The following SULT1B1 variants were observed in gnomAD, a reference collection of about 807,000 sequenced individuals.
SULT1B1 encodes the protein sulfotransferase 1B1.
In SULT1B1, 28 loss-of-function variants were observed where a neutral mutation model predicts 34.6. The observed-to-expected ratio is 0.81, with a 90% confidence interval of 0.60 to 1.11. SULT1B1 has a LOEUF of 1.11. Among genes scored for constraint, SULT1B1 ranks in the 50% least tolerant of loss-of-function variants. SULT1B1 has a pLI of 0.00. For missense variants in SULT1B1, 374 were observed against 352.2 expected (o/e 1.06, Z -0.50); for synonymous variants, 147 against 110.2 (o/e 1.33, Z -2.09).
intron 7 of SULT1B1, among the ~76,000 whole-genome samples, chr4:69,727,523 C>T (rs969286674): frequency 2.0e-5 from 3 of 151,960 alleles, no homozygotes; most frequent in East Asian, 3.9e-4. Context: ...TTCTAATGGT[C>T]GTAGGTCATG....
rs141880735 is a variant in SULT1B1 at position 69,730,878 on chromosome 4, G to A, written c.598-197C>T. The stretch of plus-strand genomic sequence containing the variant: ...CAAGAATATCTGTTATATTTTCTGT[G>A]TCAGTCCTCTCTGACAGAAGAATAA... On this transcript the variant is annotated intron_variant, in intron 6 of 7. Transcript: ENST00000310613. Among the ~76,000 whole-genome samples the A allele has an allele frequency of 1.3e-3, 195 of 152,200 alleles. 1 individual carries two copies. The highest frequency in any genetic ancestry group is 2.4e-3 in the Non-Finnish European group (161 of 68,000).
In SULT1B1 at chr4:69,738,390, C is replaced by A. The variant is rs572157597; in HGVS notation, c.376-4126G>T. 6.3e-3 allele frequency among the ~76,000 whole-genome samples: 962 copies of A among 152,284 alleles called. 10 individuals are homozygous for A. The highest frequency in any genetic ancestry group is 0.02 in the Middle Eastern group (6 of 294). On this transcript the variant is annotated intron_variant, in intron 4 of 7. Coordinates refer to ENST00000310613, the MANE Select transcript of SULT1B1 (RefSeq NM_014465.4). ...TGCTGGAGAAGCCTCAGGAAACTTA[C>A]AATCATGGCAGAAGCAAAAGAGAAG...
chr4:69,746,704 A>T (rs1320237095), intron 4 of SULT1B1, among the ~76,000 whole-genome samples: 1 of 152,122 alleles, frequency 6.6e-6, no homozygotes, highest in Non-Finnish European at 1.5e-5. Flanking sequence ...CATTTCAACA[A>T]TTTCAATCTG....
In SULT1B1 at chr4:69,722,366, T is replaced by A. The variant is rs907408455; in HGVS notation, c.*4722A>T. The stretch of plus-strand genomic sequence containing the variant: ...GGATAGTTTAGTGGTGTTTTTTCCC[T>A]CAGTAATAGACCATAGTATCAGAAA... On this transcript the variant is annotated 3_prime_UTR_variant, in exon 8 of 8. Transcript: ENST00000310613. 2 of 152,092 alleles carry A rather than the reference T, an allele frequency of 1.3e-5. No homozygotes were observed. The allele number at this position is 152,092 out of a possible 1,614,324, so 9.4% of individuals were successfully genotyped here. A position where few individuals can be genotyped will look rare whatever the true frequency, so the allele number is the denominator to read the frequency against.
At chr4:69,759,223 G>C (rs1313173372) in intron 1 of SULT1B1, among the ~76,000 whole-genome samples, 1 of 152,162 alleles carries the variant, frequency 6.6e-6, no homozygotes, top group African/African-American at 2.4e-5. Flanking sequence ...CAGAGCGTCT[G>C]CTCAAAGAAA....
Position 69,755,078 on chromosome 4 carries a change from G to A in SULT1B1, c.140C>T (p.Pro47Leu), listed in dbSNP as rs766849502. Residue 47 changes from proline (P) to leucine (L), a missense_variant, in exon 2 of 8, where the codon CCT (proline) becomes CTT (leucine). Coordinates refer to ENST00000310613, the MANE Select transcript of SULT1B1 (RefSeq NM_014465.4). ...RPDDIVIATY[P>L]KSGTTWVSEI... ...CAGGCCACAGAACTCACCTGATTTA[G>A]GATAAGTGGCTATCACAATGTCATC... 6.2e-7 allele frequency: 1 copy of A among 1,612,780 alleles called. No individual in the cohort carries two copies. The highest frequency in any genetic ancestry group is 1.3e-5 in the African/African-American group (1 of 75,008).
intron 1 of SULT1B1, chr4:69,758,528 T>C (rs1578072570): frequency 4.2e-6 from 4 of 953,208 alleles, no homozygotes; most frequent in Non-Finnish European, 5.0e-6. Flanking sequence ...ATTTCAAAAA[T>C]TGTCTATTCT....
Position 69,755,167 on chromosome 4 carries a change from A to T in SULT1B1, c.51T>A (p.Gly17=). The T allele has an allele frequency of 6.2e-7, 1 of 1,613,572 alleles. No individual in the cohort carries two copies. Among genetic ancestry groups the T allele is most frequent in the Non-Finnish European group, 8.5e-7 (1 of 1,179,456 alleles). The stretch of plus-strand genomic sequence containing the variant: ...TTGCAAAAGCACAGGTCATGGGATA[A>T]CCATGGACCAACTTCAGATCTTTTC... ...ILRKDLKLVH[G]YPMTCAFASN... The change falls in exon 2 of 8, where the codon GGT becomes GGA. Residue 17 remains glycine (G), a synonymous_variant. Coordinates refer to ENST00000310613, the MANE Select transcript of SULT1B1 (RefSeq NM_014465.4).
At chr4:69,734,379 G>A in intron 4 of SULT1B1, 115 bp from the exon 5 acceptor site, 7 of 1,134,258 alleles carry the variant, frequency 6.2e-6, no homozygotes, top group Non-Finnish European at 3.7e-6. Context: ...TAGAAATTGT[G>A]GGCCAGGGAG....
chr4:69,759,274 G>C (rs1006549432), intron 1 of SULT1B1, among the ~76,000 whole-genome samples: 1 of 152,158 alleles, frequency 6.6e-6, no homozygotes, highest in Admixed American at 6.5e-5. Context: ...ACTTTAGTTT[G>C]CCCAGCTCTG....
At chr4:69,742,776 G>C (rs1485086237) in intron 4 of SULT1B1, among the ~76,000 whole-genome samples, 2 of 152,232 alleles carry the variant, frequency 1.3e-5, no homozygotes, top group African/African-American at 4.8e-5. Context: ...CATGTGTGGA[G>C]CAGCAATGGG....
chr4:69,758,690 G>C (rs1379155976), intron 1 of SULT1B1, among the ~76,000 whole-genome samples: 1 of 152,106 alleles, frequency 6.6e-6, no homozygotes, highest in Non-Finnish European at 1.5e-5. Context: ...TTTTCATACT[G>C]TCTGCTAAAA....
At chr4:69,738,013 C>A (rs1199173468) in intron 4 of SULT1B1, among the ~76,000 whole-genome samples, 3 of 152,132 alleles carry the variant, frequency 2.0e-5, no homozygotes, top group Non-Finnish European at 4.4e-5. Flanking sequence ...ACCCTCCTAC[C>A]ACCCTTCACC....
In SULT1B1 at chr4:69,725,182, AAAAC is replaced by A. The variant is rs1717789632; in HGVS notation, c.*1902_*1905del. On this transcript the variant is annotated 3_prime_UTR_variant, in exon 8 of 8. Transcript: ENST00000310613. Reference sequence around the variant, plus strand: ...ACTCAAACAAATTTACAAGAAAAAAAAAACAACCCCATCAACAAGTGTGCAAAGA... The same window carrying A: ...ACTCAAACAAATTTACAAGAAAAAAAAACCCCATCAACAAGTGTGCAAAGA... 6.6e-6 allele frequency: 1 copy of A among 151,912 alleles called. No individual in the cohort carries two copies. The highest frequency in any genetic ancestry group is 2.4e-5 in the African/African-American group (1 of 41,378). 9.4% of individuals were successfully genotyped at this position (151,912 alleles called of 1,614,324 possible).
At chr4:69,731,399 C>T (rs773001802) in intron 6 of SULT1B1, among the ~76,000 whole-genome samples, 36 of 152,172 alleles carry the variant, frequency 2.4e-4, no homozygotes, top group Admixed American at 2.1e-3. Context: ...GCACCCTGTT[C>T]ATGGAAAAAT....
At position 69,730,484 on chromosome 4, in the gene SULT1B1, C is replaced by A; in HGVS notation, c.778+17G>T. On this transcript the variant is annotated intron_variant, in intron 7 of 7. Coordinates refer to ENST00000310613, the MANE Select transcript of SULT1B1 (RefSeq NM_014465.4). ...AAGAAAGTACGAAAGGGAAATTAAA[C>A]CCAGCAAAGTATTTACCTTTACGCA... The A allele has an allele frequency of 1.3e-6, 2 of 1,580,498 alleles. No individual in the cohort carries two copies. The highest frequency in any genetic ancestry group is 1.1e-5 in the South Asian group (1 of 88,154).
In SULT1B1 at chr4:69,723,023, G is replaced by T. The variant is rs9685617; in HGVS notation, c.*4065C>A. 0.095 allele frequency: 14,478 copies of T among 152,046 alleles called. 955 individuals are homozygous for T. The highest frequency in any genetic ancestry group is 0.37 in the East Asian group (1,904 of 5,124). 9.4% of individuals were successfully genotyped at this position (152,046 alleles called of 1,614,324 possible). Reference sequence around the variant, plus strand: ...TAATGCCAAGCTGGAGTTAAGATCAGAGCATAACTGAAGGAGACAAAGACA... The same window carrying T: ...TAATGCCAAGCTGGAGTTAAGATCATAGCATAACTGAAGGAGACAAAGACA... On this transcript the variant is annotated 3_prime_UTR_variant, in exon 8 of 8. Coordinates refer to ENST00000310613, the MANE Select transcript of SULT1B1 (RefSeq NM_014465.4).
At chr4:69,751,156 C>T (rs1159782985) in intron 3 of SULT1B1, among the ~76,000 whole-genome samples, 1 of 152,194 alleles carries the variant, frequency 6.6e-6, no homozygotes, top group Non-Finnish European at 1.5e-5. Flanking sequence ...TATGCCTCTA[C>T]TGATCTAGCA....
In SULT1B1 at chr4:69,736,482, G is replaced by A. The variant is rs146701190; in HGVS notation, c.376-2218C>T. On this transcript the variant is annotated intron_variant, in intron 4 of 7. Transcript: ENST00000310613. ...GAGAGGGAAGAGCAAAGAGGACTTC[G>A]TCTTACATCTTGGATACCAGCTCAG... is the stretch of plus-strand genomic sequence containing the variant. 1.3e-3 allele frequency among the ~76,000 whole-genome samples: 205 copies of A among 152,196 alleles called. 4 individuals carry two copies. The highest frequency in any genetic ancestry group is 4.6e-3 in the African/African-American group (192 of 41,530).
Sources: gnomAD v4.1 joint callset for allele counts (sites outside exome capture counted in the v4.1 genomes callset) on GRCh38, gnomAD v4.1.1 for gene constraint, MANE v1.5 for transcripts, NCBI Gene and HGNC (gene_info 2026-07-23, HGNC 2026-07-21) for gene names.